The following RSPH14 variants were observed in gnomAD, a reference collection of about 807,000 sequenced individuals.
The protein encoded by RSPH14 is rhabdoid tumor deletion region gene 1.
Under a neutral mutation model 26.7 loss-of-function variants are expected in RSPH14, and 20 were observed. That is an observed-to-expected ratio of 0.75 (90% CI 0.53 to 1.09). The LOEUF (loss-of-function observed/expected upper bound fraction) is 1.09, where lower values mean the gene tolerates loss of function less well. RSPH14 is among the 50% of genes least tolerant of loss of function. RSPH14 has a pLI of 0.00. For missense variants in RSPH14, 449 were observed against 457.2 expected (o/e 0.98, Z 0.16); for synonymous variants, 177 against 189.3 (o/e 0.93, Z 0.53).
chr22:23,059,666 C>T lies in RSPH14; in HGVS notation c.843G>A (p.Leu281=), dbSNP rs772659281. 3 of 1,581,072 alleles carry T rather than the reference C, an allele frequency of 1.9e-6. No individual in the cohort carries two copies. Among genetic ancestry groups the T allele is most frequent in the African/African-American group, 2.7e-5 (2 of 73,650 alleles). The change falls in exon 7 of 7, where the codon CTG becomes CTA. Residue 281 remains leucine, a synonymous_variant. Coordinates refer to ENST00000216036, the MANE Select transcript of RSPH14 (RefSeq NM_014433.3). ...GGCGCGCTATGGTCATGGGGGAGTG[C>T]AGCAGCTCCAGGAGCAGGCCGATGG... ...AQAIGLLLEL[L]HSPMTIARLN... is the part of the protein sequence containing the mutation.
chr22:23,064,130 G>GC lies in RSPH14; in HGVS notation c.424dup (p.Ala142GlyfsTer75). On this transcript the variant is annotated frameshift_variant, in exon 5 of 7. Coordinates refer to ENST00000216036, the MANE Select transcript of RSPH14 (RefSeq NM_014433.3). LOFTEE classifies it high-confidence loss of function. ...CAGACCTTTGCTGATGATCTCTTGG[G>GC]CCCCTACAAGGCAGGAAAGGGCACT... 6.2e-7 allele frequency: 1 copy of GC among 1,614,024 alleles called. No individual in the cohort carries two copies. The highest frequency in any genetic ancestry group is 2.2e-5 in the East Asian group (1 of 44,870).
chr22:23,174,094 C>A, the RSPH14 span, among the ~76,000 whole-genome samples: 1 of 152,116 alleles, frequency 6.6e-6, no homozygotes, highest in African/African-American at 2.4e-5. Flanking sequence ...TTGTCTCCAG[C>A]AGAGGGGGCG....
At chr22:23,066,260 A>G (rs2068209179) in intron 4 of RSPH14, among the ~76,000 whole-genome samples, 1 of 152,234 alleles carries the variant, frequency 6.6e-6, no homozygotes, top group Non-Finnish European at 1.5e-5. Flanking sequence ...TCCCTGGGAC[A>G]GGTGTCATTG....
chr22:23,178,625 G>A, the RSPH14 span, among the ~76,000 whole-genome samples: 2 of 152,316 alleles, frequency 1.3e-5, no homozygotes, highest in East Asian at 3.9e-4. Flanking sequence ...GCCTGCAGAG[G>A]GCAGCAGTGA....
intron 4 of RSPH14, among the ~76,000 whole-genome samples, chr22:23,068,345 C>T (rs56833776): frequency 0.023 from 3,519 of 152,372 alleles, 144 homozygotes; most frequent in African/African-American, 0.081. Context: ...CCTCAGATAG[C>T]CTCACATGAC....
chr22:23,178,388 C>T, the RSPH14 span, among the ~76,000 whole-genome samples: 11 of 150,330 alleles, frequency 7.3e-5, no homozygotes, highest in Non-Finnish European at 5.9e-5. Context: ...TGCACTCCAG[C>T]CTGGGCAACA....
rs748553642 is a variant in RSPH14, at chr22:23,059,661, G to A, written c.848C>T (p.Ser283Phe). ...ATTCAGGCGCGCTATGGTCATGGGG[G>A]AGTGCAGCAGCTCCAGGAGCAGGCC... The part of the protein sequence containing the change: ...AIGLLLELLH[S>F]PMTIARLNAT... The change falls in exon 7 of 7, where the codon TCC becomes TTC. Residue 283 changes from serine (S) to phenylalanine (F), a missense_variant. Physicochemically the swap from Ser to Phe is radical, Grantham distance 155. Coordinates refer to ENST00000216036, the MANE Select transcript of RSPH14 (RefSeq NM_014433.3). 1.9e-6 allele frequency: 3 copies of A among 1,584,990 alleles called. No homozygotes were observed. The highest frequency in any genetic ancestry group is 2.3e-5 in the East Asian group (1 of 44,412).
intron 4 of RSPH14, among the ~76,000 whole-genome samples, chr22:23,132,323 G>A (rs1024346910): frequency 3.9e-5 from 6 of 152,052 alleles, no homozygotes; most frequent in Admixed American, 2.6e-4. Context: ...TAATTCCCTC[G>A]TCTAAAAATA....
chr22:23,115,438 C>T (rs1403566896), intron 4 of RSPH14, among the ~76,000 whole-genome samples: 1 of 152,170 alleles, frequency 6.6e-6, no homozygotes, highest in Non-Finnish European at 1.5e-5. Context: ...AGGGGTTGGA[C>T]AAGACCAGTG....
chr22:23,086,332 A>G (rs549892652), intron 4 of RSPH14, among the ~76,000 whole-genome samples: 1 of 152,182 alleles, frequency 6.6e-6, no homozygotes, highest in Non-Finnish European at 1.5e-5. Context: ...TTTGATTTCT[A>G]CAGCCGTAAA....
At position 23,063,983 on chromosome 22, in the gene RSPH14, A is replaced by G. The variant is rs1295330169; in HGVS notation, c.572T>C (p.Val191Ala). The G allele has an allele frequency of 5.0e-6, 8 of 1,614,130 alleles. No homozygotes were observed. Among genetic ancestry groups the G allele is most frequent in the Admixed American group, 1.7e-5 (1 of 60,020 alleles). ...EDATEALGSN[V>A]VLVLKQKLLS... ...GAGCTTCTGCTTCAGGACAAGCACC[A>G]CATTGCTGCCCAGGGCCTCGGTGGC... The change falls in exon 5 of 7, where the codon GTG (valine) becomes GCG (alanine). Residue 191 changes from valine to alanine, a missense_variant. Transcript: ENST00000216036.
At chr22:23,114,500 G>A (rs915208672) in intron 4 of RSPH14, among the ~76,000 whole-genome samples, 15 of 151,710 alleles carry the variant, frequency 9.9e-5, no homozygotes, top group African/African-American at 3.2e-4. Context: ...CAGTCAAAAC[G>A]TCCTGCTCTT....
chr22:23,062,613 T>C (rs903201534), intron 5 of RSPH14, among the ~76,000 whole-genome samples: 1 of 152,212 alleles, frequency 6.6e-6, no homozygotes. Flanking sequence ...CTCATTTTTG[T>C]AGAGCTCTTA....
upstream of RSPH14, among the ~76,000 whole-genome samples, chr22:23,143,830 C>A (rs769355615): frequency 6.6e-6 from 1 of 152,188 alleles, no homozygotes; most frequent in Non-Finnish European, 1.5e-5. Flanking sequence ...CTGGCTTACG[C>A]CTGTAATCCC....
chr22:23,178,415 C>CAA, the RSPH14 span, among the ~76,000 whole-genome samples: 31,692 of 128,710 alleles, frequency 0.25, 3,901 homozygotes, highest in East Asian at 0.37. Flanking sequence ...GACTCCGTCT[C>CAA]AAAAAAAAAA....
At chr22:23,145,335 C>G, upstream of RSPH14, 1 of 1,592,296 alleles carries the variant, frequency 6.3e-7, no homozygotes, top group Non-Finnish European at 8.5e-7. Flanking sequence ...GCTGCCAGCC[C>G]CGCCCAGACT....
chr22:23,129,284 C>T (rs534290869), intron 4 of RSPH14, among the ~76,000 whole-genome samples: 73 of 152,300 alleles, frequency 4.8e-4, no homozygotes, highest in African/African-American at 1.7e-3. Context: ...CCTGCATACC[C>T]GGTGTCCCAG....
At position 23,071,177 on chromosome 22, in the gene RSPH14, C is replaced by G. The variant is rs927264371; in HGVS notation, c.422-7044G>C. Among the ~76,000 whole-genome samples, 4 of 152,166 alleles carry G rather than the reference C, an allele frequency of 2.6e-5. No individual in the cohort carries two copies. The highest frequency in any genetic ancestry group is 9.7e-5 in the African/African-American group (4 of 41,422). ...CGACCTGCTGCGATTGTAATACGTT[C>G]CCGGCTCAATATTTTTTCCCTTAAA... On this transcript the variant is annotated intron_variant, in intron 4 of 6. Transcript: ENST00000216036. This position sits in a 1 kb window ranked among gnomAD's most constrained non-coding sequence, Gnocchi z 4.1.
upstream of RSPH14, chr22:23,145,233 G>A (rs2070697274): frequency 1.2e-6 from 1 of 868,752 alleles, no homozygotes; most frequent in Admixed American, 2.3e-5. Context: ...CCGCCCCCGG[G>A]CCTCCATAGC....
Sources: allele counts gnomAD v4.1 joint callset (sites outside exome capture counted in the v4.1 genomes callset), GRCh38; gene constraint gnomAD v4.1.1; non-coding constraint Gnocchi (gnomAD v3.1); transcripts MANE v1.5; gene names NCBI Gene and HGNC (gene_info 2026-07-23, HGNC 2026-07-21).